The following EYA1 variants were observed in gnomAD, a reference collection of about 807,000 sequenced individuals.
EYA1 encodes the protein EYA transcriptional coactivator and phosphatase 1, also known as protein phosphatase EYA1.
Under a neutral mutation model 82.0 loss-of-function variants are expected in EYA1, and 16 were observed. That is an observed-to-expected ratio of 0.20 (90% CI 0.13 to 0.30). EYA1 has a LOEUF of 0.30. Among genes scored for constraint, EYA1 ranks in the 10% least tolerant of loss-of-function variants. The pLI is 1.00. For missense variants in EYA1, 633 were observed against 730.7 expected (o/e 0.87, Z 1.54); for synonymous variants, 261 against 264.4 (o/e 0.99, Z 0.12).
At chr8:71,204,278 G>C (rs1451395558) in intron 17 of EYA1, 2 of 152,082 alleles carry the variant, frequency 1.3e-5, no homozygotes, top group African/African-American at 2.4e-5. Flanking sequence ...TTCCTCATCT[G>C]ATATTTAGCA....
At chr8:71,362,155 C>CTTTT (rs35320129), upstream of EYA1, 2,057 of 819,450 alleles carry the variant, frequency 2.5e-3, 4 homozygotes, top group East Asian at 0.011. Context: ...TCGGGGCTTT[C>CTTTT]TTTTTTTTTT....
intron 12 of EYA1, among the ~76,000 whole-genome samples, chr8:71,221,689 T>C (rs1809938880): frequency 6.6e-6 from 1 of 152,166 alleles, no homozygotes; most frequent in Admixed American, 6.5e-5. Context: ...TCACATTGTC[T>C]CTCTAAAAGT....
At chr8:71,522,935 AG>A (rs1394535877) in intron 2 of EYA1, among the ~76,000 whole-genome samples, 57 of 152,176 alleles carry the variant, frequency 3.7e-4, no homozygotes, top group Non-Finnish European at 1.5e-4. Context: ...ACAACTTGAA[AG>A]GACTCTTGGA....
chr8:71,477,397 A>G (rs1809744350), intron 2 of EYA1, among the ~76,000 whole-genome samples: 1 of 152,138 alleles, frequency 6.6e-6, no homozygotes. Context: ...CAATTTTAAA[A>G]TGGGCAATGG....
intron 11 of EYA1, among the ~76,000 whole-genome samples, chr8:71,263,747 T>C (rs530435678): frequency 6.6e-6 from 1 of 152,314 alleles, no homozygotes; most frequent in East Asian, 1.9e-4. Flanking sequence ...CTGACACACA[T>C]TCTTCCTTGT....
Position 71,199,160 on chromosome 8 carries a change from C to T in EYA1, c.*180G>A. Reference sequence around the variant, plus strand: ...CACAGTACTAGAGTCAACAGCTGTTCTGATGAAATAGACGTGGTCCTCCAT... The same window carrying T: ...CACAGTACTAGAGTCAACAGCTGTTTTGATGAAATAGACGTGGTCCTCCAT... On this transcript the variant is annotated 3_prime_UTR_variant, in exon 18 of 18. Coordinates refer to ENST00000340726, the MANE Select transcript of EYA1 (RefSeq NM_000503.6). 2 of 665,622 alleles carry T rather than the reference C, an allele frequency of 3.0e-6. No homozygotes were observed. Among genetic ancestry groups the T allele is most frequent in the Non-Finnish European group, 2.7e-6 (1 of 364,964 alleles). The allele number at this position is 665,622 out of a possible 1,614,324, so 41.2% of individuals were successfully genotyped here.
intron 2 of EYA1, among the ~76,000 whole-genome samples, chr8:71,452,771 G>A (rs950857070): frequency 7.9e-5 from 12 of 152,110 alleles, no homozygotes; most frequent in South Asian, 2.1e-4. Context: ...CAATTTGCAC[G>A]TCACCATCAT....
chr8:71,546,515 T>TA (rs1003462219), intron 1 of EYA1, among the ~76,000 whole-genome samples: 38 of 151,242 alleles, frequency 2.5e-4, no homozygotes, highest in African/African-American at 8.8e-4. Context: ...ATTCTTATTT[T>TA]TTTTTTTTTT....
chr8:71,299,367 TTAAC>T lies in EYA1; in HGVS notation c.640-138_640-135del, dbSNP rs1819947038. ...TCACACGGGGGCATACAAGTACACATTAACTAAAGAGCTCAGACTTGCAAACAAA... is the reference window on the plus strand; with the variant it reads ...TCACACGGGGGCATACAAGTACACATTAAAGAGCTCAGACTTGCAAACAAA... On this transcript the variant is annotated intron_variant, in intron 8 of 17. Coordinates refer to ENST00000340726, the MANE Select transcript of EYA1 (RefSeq NM_000503.6). The T allele has an allele frequency of 8.1e-6, 7 of 869,182 alleles. No individual in the cohort carries two copies. The South Asian group carries it at 9.8e-5, about 12-fold the overall frequency. The allele number at this position is 869,182 out of a possible 1,614,324, so 53.8% of individuals were successfully genotyped here.
At chr8:71,404,778 T>G (rs1830125820) in intron 2 of EYA1, 1 of 153,732 alleles carries the variant, frequency 6.5e-6, no homozygotes, top group Non-Finnish European at 1.4e-5. Context: ...ATTAGCCAGA[T>G]GTGGTGGCGG....
At chr8:71,314,034 T>C (rs1713391057) in intron 7 of EYA1, among the ~76,000 whole-genome samples, 1 of 152,172 alleles carries the variant, frequency 6.6e-6, no homozygotes, top group African/African-American at 2.4e-5. Flanking sequence ...GAAATAAAGC[T>C]AGGCAAAAAT....
chr8:71,464,846 C>T (rs933508532), intron 2 of EYA1, among the ~76,000 whole-genome samples: 5 of 152,126 alleles, frequency 3.3e-5, no homozygotes, highest in Admixed American at 3.3e-4. Context: ...AGACTCACTT[C>T]CTATTGGTGA....
At chr8:71,362,831 T>C (rs1328787646), upstream of EYA1, among the ~76,000 whole-genome samples, 1 of 152,228 alleles carries the variant, frequency 6.6e-6, no homozygotes, top group African/African-American at 2.4e-5. Context: ...CATGACAGTC[T>C]ATAACACTCA....
At chr8:71,345,317 T>C (rs1003759330) in intron 3 of EYA1, among the ~76,000 whole-genome samples, 1 of 152,152 alleles carries the variant, frequency 6.6e-6, no homozygotes, top group Admixed American at 6.5e-5. Context: ...TCAGACTCTG[T>C]TCTAAGCACT....
intron 2 of EYA1, among the ~76,000 whole-genome samples, chr8:71,402,924 A>C (rs573003498): frequency 1.3e-5 from 2 of 152,346 alleles, no homozygotes; most frequent in Admixed American, 1.3e-4. Flanking sequence ...TTGCATGCAC[A>C]CTATGCAGAG....
chr8:71,265,075 T>C (rs1815620688), intron 11 of EYA1, among the ~76,000 whole-genome samples: 1 of 152,204 alleles, frequency 6.6e-6, no homozygotes, highest in African/African-American at 2.4e-5. Context: ...CTCTAAGGCA[T>C]AGCGTATACT....
chr8:71,452,377 T>C (rs113917314), intron 2 of EYA1, among the ~76,000 whole-genome samples: 1 of 152,178 alleles, frequency 6.6e-6, no homozygotes, highest in East Asian at 1.9e-4. Context: ...AGCAGAAACC[T>C]CTGCAGACTT....
chr8:71,267,826 G>A (rs1054577961), intron 11 of EYA1, among the ~76,000 whole-genome samples: 3 of 152,130 alleles, frequency 2.0e-5, no homozygotes, highest in African/African-American at 7.2e-5. Context: ...GGGATTACAG[G>A]CATGAGCCAC....
At chr8:71,263,788 A>C (rs1815429908) in intron 11 of EYA1, among the ~76,000 whole-genome samples, 1 of 152,182 alleles carries the variant, frequency 6.6e-6, no homozygotes, top group Non-Finnish European at 1.5e-5. Context: ...CACTTTAAAA[A>C]CTTAAACAAC....
Sources: gnomAD v4.1 joint callset for allele counts (sites outside exome capture counted in the v4.1 genomes callset) on GRCh38, gnomAD v4.1.1 for gene constraint, MANE v1.5 for transcripts, NCBI Gene and HGNC (gene_info 2026-07-23, HGNC 2026-07-21) for gene names.